The following DCAF5 variants were observed in gnomAD, a reference collection of about 807,000 sequenced individuals.
The protein encoded by DCAF5 is DDB1- and CUL4-associated factor 5.
Under a neutral mutation model 80.7 loss-of-function variants are expected in DCAF5, and 9 were observed. That is an observed-to-expected ratio of 0.11 (90% CI 0.07 to 0.19). The LOEUF is 0.19. DCAF5 is among the 10% of genes least tolerant of loss of function. The pLI is 1.00. For synonymous variants in DCAF5, 433 were observed against 461.9 expected, an observed-to-expected ratio of 0.94 and a Z score of 0.80; for missense variants, 842 against 1,205.7, an observed-to-expected ratio of 0.70 and a Z score of 4.47.
intron 6 of DCAF5, among the ~76,000 whole-genome samples, chr14:69,081,479 T>G (rs773112509): frequency 3.3e-5 from 5 of 152,186 alleles, no homozygotes; most frequent in Non-Finnish European, 5.9e-5. Context: ...GGCAAGCTAT[T>G]TACTGATCTG....
intron 6 of DCAF5, among the ~76,000 whole-genome samples, chr14:69,078,269 A>G (rs1380071372): frequency 2.0e-5 from 3 of 152,256 alleles, no homozygotes; most frequent in Non-Finnish European, 4.4e-5. Flanking sequence ...ACAAATGGCC[A>G]CTAAGCACAC....
rs1189952897 is a variant in DCAF5 at position 69,110,216 on chromosome 14, G to GTA, written c.665+6148_665+6149dup. ...TTTATAAATTCTGGATATTCTTAATGTATGTATTATGCTTTTTTTTTTCTG... is the reference window on the plus strand; with the variant it reads ...TTTATAAATTCTGGATATTCTTAATGTATATGTATTATGCTTTTTTTTTTCTG... On this transcript the variant is annotated intron_variant, in intron 5 of 8. Coordinates refer to ENST00000341516, the MANE Select transcript of DCAF5 (RefSeq NM_003861.3). 1.5e-3 allele frequency among the ~76,000 whole-genome samples: 212 copies of GTA among 140,582 alleles called. 5 individuals are homozygous for GTA. The highest frequency in any genetic ancestry group is 8.2e-4 in the East Asian group (4 of 4,858). The allele number at this position is 140,582 out of a possible 152,430, so 92.2% of individuals were successfully genotyped here.
intron 7 of DCAF5, among the ~76,000 whole-genome samples, chr14:69,071,452 A>G (rs2038690271): frequency 6.6e-6 from 1 of 152,200 alleles, no homozygotes; most frequent in South Asian, 2.1e-4. Context: ...CACAGCAGGC[A>G]TCAAATAAAT....
At chr14:69,140,274 A>G (rs7400859) in intron 1 of DCAF5, among the ~76,000 whole-genome samples, 26 of 151,692 alleles carry the variant, frequency 1.7e-4, no homozygotes, top group African/African-American at 6.0e-4. Context: ...CTAAAAAAAA[A>G]AGAGAGAGAG....
rs574121256 is a variant in DCAF5 at position 69,135,056 on chromosome 14, A to G, written c.215-12696T>C. Among the ~76,000 whole-genome samples, 215 of 152,368 alleles carry G rather than the reference A, an allele frequency of 1.4e-3. 5 individuals are homozygous for G. The South Asian group carries it at 0.028, about 20-fold the overall frequency. ...CAGAATTGGTTAAATTCTGATGTAG[A>G]CACTTGAAAGGATACGATGTCATAA... On this transcript the variant is annotated intron_variant, in intron 1 of 8. Transcript: ENST00000341516.
Position 69,054,987 on chromosome 14 carries a change from T to C in DCAF5, c.1699A>G (p.Ser567Gly), listed in dbSNP as rs1262469750. 4 of 1,614,122 alleles carry C rather than the reference T, an allele frequency of 2.5e-6. No individual in the cohort carries two copies. The African/African-American group carries it at 4.0e-5, about 16-fold the overall frequency. ...DESSSSSSSSSSEDEEELNER... is the reference protein window; with the variant it reads ...DESSSSSSSSGSEDEEELNER... Reference sequence around the variant, plus strand: ...TTCAGCTCCTCCTCATCCTCAGAGCTGCTAGAGCTGCTGGAACTGCTGGAT... The same window carrying C: ...TTCAGCTCCTCCTCATCCTCAGAGCCGCTAGAGCTGCTGGAACTGCTGGAT... Residue 567 changes from serine (S) to glycine (G), a missense_variant, in exon 9 of 9, where the codon AGC (serine) becomes GGC (glycine). Around this residue, in one of 5 missense-constraint regions of DCAF5, gnomAD observed 607 missense variants for 656.6 expected, o/e 0.92. Coordinates refer to ENST00000341516, the MANE Select transcript of DCAF5 (RefSeq NM_003861.3).
chr14:69,132,033 T>C (rs560415534), intron 1 of DCAF5, among the ~76,000 whole-genome samples: 3 of 152,316 alleles, frequency 2.0e-5, no homozygotes, highest in Admixed American at 2.0e-4. Context: ...TTTGTTTATC[T>C]ATTCATCCAC....
chr14:69,098,492 T>G (rs2039814578), intron 5 of DCAF5, among the ~76,000 whole-genome samples: 2 of 152,210 alleles, frequency 1.3e-5, no homozygotes, highest in African/African-American at 4.8e-5. Flanking sequence ...ACATCTTTTC[T>G]TGGTGTATCC....
Position 69,152,793 on chromosome 14 carries a change from G to A in DCAF5, c.186C>T (p.Ser62=). 6.2e-7 allele frequency: 1 copy of A among 1,613,962 alleles called. No homozygotes were observed. Among genetic ancestry groups the A allele is most frequent in the Non-Finnish European group, 8.5e-7 (1 of 1,179,968 alleles). Residue 62 remains serine (S), a synonymous_variant, in exon 1 of 9, where the codon TCC becomes TCT. Transcript: ENST00000341516. The surrounding 1 kb of genome is among the most constrained non-coding windows in gnomAD (Gnocchi z 4.1). ...AGACCAGCCACTGGCCTCCATTGTTGGAGAATTCAATGGCATTGACACAGC... is the reference window on the plus strand; with the variant it reads ...AGACCAGCCACTGGCCTCCATTGTTAGAGAATTCAATGGCATTGACACAGC... ...HFGCVNAIEF[S]NNGGQWLVSG...
At position 69,142,257 on chromosome 14, in the gene DCAF5, C is replaced by G. The variant is rs555928178; in HGVS notation, c.214+10508G>C. Among the ~76,000 whole-genome samples, 12 of 152,230 alleles carry G rather than the reference C, an allele frequency of 7.9e-5. No individual in the cohort carries two copies. In the East Asian group the frequency reaches 2.1e-3, roughly 27 times the overall value. On this transcript the variant is annotated intron_variant, in intron 1 of 8. Coordinates refer to ENST00000341516, the MANE Select transcript of DCAF5 (RefSeq NM_003861.3). ...CAAAGCTACAGTGAGCCGTAACTGCCCCTGCACTCTGGTCTGAGCAACAGA... is the reference window on the plus strand; with the variant it reads ...CAAAGCTACAGTGAGCCGTAACTGCGCCTGCACTCTGGTCTGAGCAACAGA...
At chr14:69,059,229 C>T (rs1387122384) in intron 8 of DCAF5, among the ~76,000 whole-genome samples, 1 of 152,108 alleles carries the variant, frequency 6.6e-6, no homozygotes, top group Non-Finnish European at 1.5e-5. Flanking sequence ...AGAGCACAGG[C>T]AGGCACCACC....
intron 5 of DCAF5, 22 bp downstream of exon 5, chr14:69,116,344 C>G (rs377300374): frequency 6.8e-6 from 11 of 1,607,346 alleles, no homozygotes; most frequent in African/African-American, 1.3e-5. Context: ...AGTTTTAACA[C>G]CTATGAATAA....
intron 2 of DCAF5, among the ~76,000 whole-genome samples, chr14:69,119,812 C>G (rs1265716402): frequency 2.0e-5 from 3 of 150,722 alleles, no homozygotes; most frequent in Admixed American, 2.0e-4. Flanking sequence ...TATTTTTTTT[C>G]TTTTTCAGCA....
Position 69,152,719 on chromosome 14 carries a change from T to A in DCAF5, c.214+46A>T. The A allele has an allele frequency of 2.4e-6, 3 of 1,268,258 alleles. No homozygotes were observed. Among genetic ancestry groups the A allele is most frequent in the Non-Finnish European group, 3.1e-6 (3 of 971,076 alleles). The allele number at this position is 1,268,258 out of a possible 1,614,324, so 78.6% of individuals were successfully genotyped here. A position where few individuals can be genotyped will look rare whatever the true frequency, so the allele number is the denominator to read the frequency against. ...ACGGGGGAGAGCGAGAGGGGGAGGC[T>A]GGGAGGGTGCGGGGAGGCGCGGGGA... On this transcript the variant is annotated intron_variant, in intron 1 of 8. Coordinates refer to ENST00000341516, the MANE Select transcript of DCAF5 (RefSeq NM_003861.3). This position sits in a 1 kb window ranked among gnomAD's most constrained non-coding sequence, Gnocchi z 4.1.
At chr14:69,123,829 G>C (rs1036026244) in intron 1 of DCAF5, among the ~76,000 whole-genome samples, 1 of 152,108 alleles carries the variant, frequency 6.6e-6, no homozygotes, top group Admixed American at 6.6e-5. Flanking sequence ...CTCCTGAGTA[G>C]CTGGGATTAC....
At chr14:69,109,708 C>T (rs1595015270) in intron 5 of DCAF5, among the ~76,000 whole-genome samples, 2 of 152,218 alleles carry the variant, frequency 1.3e-5, no homozygotes, top group South Asian at 4.1e-4. Context: ...GTTTATTTAT[C>T]CATTTTCCAT....
chr14:69,054,243 T>C lies in DCAF5; in HGVS notation c.2443A>G (p.Thr815Ala), dbSNP rs762968878. The change falls in exon 9 of 9, where the codon ACC becomes GCC. Residue 815 changes from threonine (T) to alanine (A), a missense_variant. Physicochemically the swap from Thr to Ala is moderately conservative, Grantham distance 58. This residue lies in a region of DCAF5 where 607 missense variants were observed against 656.6 expected (regional missense o/e 0.92). Coordinates refer to ENST00000341516, the MANE Select transcript of DCAF5 (RefSeq NM_003861.3). Reference sequence around the variant, plus strand: ...CTCTCCTCACTGTCATCAGACTGGGTCCTGGGACAGTTGCCAGACCCGCTG... The same window carrying C: ...CTCTCCTCACTGTCATCAGACTGGGCCCTGGGACAGTTGCCAGACCCGCTG... ...LNSGSGNCPR[T>A]QSDDSEERSL... 2 of 1,614,228 alleles carry C rather than the reference T, an allele frequency of 1.2e-6. No individual in the cohort carries two copies. The highest frequency in any genetic ancestry group is 8.5e-7 in the Non-Finnish European group (1 of 1,180,032).
At chr14:69,148,782 C>A (rs1239645195) in intron 1 of DCAF5, among the ~76,000 whole-genome samples, 2 of 152,210 alleles carry the variant, frequency 1.3e-5, no homozygotes, top group East Asian at 3.8e-4. Context: ...CCATTCACTA[C>A]CCCCATTCAT....
chr14:69,071,787 G>A (rs1219226069), intron 7 of DCAF5, among the ~76,000 whole-genome samples: 1 of 152,180 alleles, frequency 6.6e-6, no homozygotes, highest in African/African-American at 2.4e-5. Context: ...CAGATATCTT[G>A]TTAGGCTTGC....
Sources: gnomAD v4.1 joint callset for allele counts (sites outside exome capture counted in the v4.1 genomes callset) on GRCh38, gnomAD v4.1.1 for gene constraint, gnomAD v4.1.1 regional missense constraint, Gnocchi (gnomAD v3.1) non-coding constraint, MANE v1.5 for transcripts, NCBI Gene and HGNC (gene_info 2026-07-23, HGNC 2026-07-21) for gene names.